Variants in LRRC49 observed in about 807,000 individuals in gnomAD.
The protein encoded by LRRC49 is leucine-rich repeat-containing protein 49.
In LRRC49, 50 loss-of-function variants were observed where a neutral mutation model predicts 83.3. The ratio of observed to expected loss-of-function variants is 0.60; its 90% CI spans 0.48 to 0.76. LRRC49 has a LOEUF of 0.76. Ranked by LOEUF, LRRC49 falls within the 30% of genes least tolerant of loss-of-function variation. LRRC49 has a pLI of 0.00. For missense variants in LRRC49, 704 were observed against 809.1 expected, an observed-to-expected ratio of 0.87 and a Z score of 1.58; for synonymous variants, 286 against 283.3, an observed-to-expected ratio of 1.01 and a Z score of -0.10.
rs960834115 is a variant in LRRC49, at chr15:70,970,909, A to G, written c.921+6977A>G. 8.6e-5 allele frequency among the ~76,000 whole-genome samples: 13 copies of G among 152,044 alleles called. No homozygotes were observed. In the East Asian group the frequency reaches 2.5e-3, roughly 29 times the overall value. ...TATTAATCTGGCTAGCAGTCTACCT[A>G]TTTTGTTGATCTTTTCAAAAAATCA... On this transcript the variant is annotated intron_variant, in intron 9 of 15. Coordinates refer to ENST00000260382, the MANE Select transcript of LRRC49 (RefSeq NM_017691.5).
At chr15:70,988,978 G>A (rs1316666266) in intron 11 of LRRC49, among the ~76,000 whole-genome samples, 1 of 152,158 alleles carries the variant, frequency 6.6e-6, no homozygotes, top group Non-Finnish European at 1.5e-5. Context: ...ACTCTCTTCT[G>A]GCTTGTAGAG....
At chr15:70,990,353 C>G (rs1479249814) in intron 11 of LRRC49, among the ~76,000 whole-genome samples, 3 of 152,204 alleles carry the variant, frequency 2.0e-5, no homozygotes, top group African/African-American at 7.2e-5. Flanking sequence ...CTCCCCTCCC[C>G]CAGCCTCGCT....
intron 14 of LRRC49, among the ~76,000 whole-genome samples, chr15:71,014,247 A>G (rs1015979721): frequency 6.6e-6 from 1 of 152,186 alleles, no homozygotes; most frequent in South Asian, 2.1e-4. Flanking sequence ...AATAACCTAC[A>G]AGGAAAAATC....
intron 7 of LRRC49, among the ~76,000 whole-genome samples, chr15:70,932,785 A>G (rs1258923067): frequency 1.4e-5 from 2 of 138,654 alleles, no homozygotes; most frequent in Non-Finnish European, 3.0e-5. Context: ...GCTAGAGTAC[A>G]GAGGCGCAAT....
intron 11 of LRRC49, among the ~76,000 whole-genome samples, chr15:70,986,532 G>T (rs1382451482): frequency 6.6e-6 from 1 of 152,134 alleles, no homozygotes; most frequent in African/African-American, 2.4e-5. Context: ...AGGAGATTTT[G>T]GGCTGAGACA....
At chr15:71,000,965 C>G (rs2038235618) in intron 11 of LRRC49, among the ~76,000 whole-genome samples, 1 of 152,066 alleles carries the variant, frequency 6.6e-6, no homozygotes. Flanking sequence ...TCCTCCTAGG[C>G]AGTCTCGTAC....
intron 11 of LRRC49, among the ~76,000 whole-genome samples, chr15:71,007,304 A>G (rs943195142): frequency 1.3e-5 from 2 of 152,020 alleles, no homozygotes; most frequent in African/African-American, 4.8e-5. Context: ...TTGGGTCCCC[A>G]AAGATGAAAA....
intron 7 of LRRC49, among the ~76,000 whole-genome samples, chr15:70,919,639 A>G (rs924513500): frequency 2.8e-4 from 42 of 152,172 alleles, no homozygotes; most frequent in African/African-American, 9.2e-4. Flanking sequence ...ATGGTGGGAA[A>G]AGCATTGCAC....
At chr15:71,003,632 A>C (rs2038343916) in intron 11 of LRRC49, among the ~76,000 whole-genome samples, 1 of 152,184 alleles carries the variant, frequency 6.6e-6, no homozygotes, top group African/African-American at 2.4e-5. Flanking sequence ...AATAATAATC[A>C]TGAAAATGTA....
chr15:70,911,632 G>T, intron 6 of LRRC49, 34 bp downstream of exon 6: 1 of 1,316,780 alleles, frequency 7.6e-7, no homozygotes, highest in South Asian at 1.4e-5. Flanking sequence ...TTTCTTTTTT[G>T]AAAAAAAGTC....
chr15:70,889,334 C>T (rs2033491879), upstream of LRRC49, among the ~76,000 whole-genome samples: 1 of 151,702 alleles, frequency 6.6e-6, no homozygotes, highest in Non-Finnish European at 1.5e-5. Flanking sequence ...AAAATGGCTA[C>T]AGTATGATTT....
chr15:70,946,722 T>G (rs1450462915), intron 8 of LRRC49, among the ~76,000 whole-genome samples: 1 of 152,206 alleles, frequency 6.6e-6, no homozygotes, highest in Non-Finnish European at 1.5e-5. Flanking sequence ...TGTACAGGGT[T>G]TTCTTCTCTC....
intron 11 of LRRC49, among the ~76,000 whole-genome samples, chr15:70,990,960 G>T (rs1376309518): frequency 6.6e-6 from 1 of 152,170 alleles, no homozygotes; most frequent in Non-Finnish European, 1.5e-5. Flanking sequence ...GTTGTTTCAT[G>T]TGTGTCTTCC....
rs2034011490 is a variant in LRRC49 at position 70,900,232 on chromosome 15, C to T, written c.194-690C>T. On this transcript the variant is annotated intron_variant, in intron 3 of 15. Transcript: ENST00000260382. ...ATTGAAAGCTACATAATGGCAAGGA[C>T]ACCATCTAACAAACAGCCTATAAAC... 1.1e-5 allele frequency: 3 copies of T among 264,270 alleles called. No individual in the cohort carries two copies. The South Asian group carries it at 1.2e-4, about 10-fold the overall frequency. The allele number at this position is 264,270 out of a possible 1,614,324, so 16.4% of individuals were successfully genotyped here.
At chr15:71,004,044 A>G (rs868606413) in intron 11 of LRRC49, among the ~76,000 whole-genome samples, 2 of 152,210 alleles carry the variant, frequency 1.3e-5, no homozygotes, top group Non-Finnish European at 2.9e-5. Context: ...ACCAGTACCT[A>G]GATCCATGCA....
intron 8 of LRRC49, among the ~76,000 whole-genome samples, chr15:70,938,110 TA>T (rs2035666230): frequency 6.6e-6 from 1 of 152,110 alleles, no homozygotes; most frequent in Non-Finnish European, 1.5e-5. Context: ...GCTTCTTGTT[TA>T]TGGGGAGTAA....
chr15:70,874,039 A>G (rs1292128348), intron 2 of LRRC49, among the ~76,000 whole-genome samples: 4 of 152,126 alleles, frequency 2.6e-5, no homozygotes, highest in Non-Finnish European at 5.9e-5. Context: ...TTGTTAGTAA[A>G]CCAGTGTGTG....
intron 3 of LRRC49, 50 bp from the exon 4 acceptor site, chr15:70,900,872 G>A (rs1380197763): frequency 2.7e-6 from 3 of 1,121,338 alleles, no homozygotes; most frequent in Admixed American, 2.0e-5. Context: ...TTTAGTTTCA[G>A]ACTTCGAAGG....
At chr15:70,962,845 A>G (rs2036651887) in intron 8 of LRRC49, among the ~76,000 whole-genome samples, 1 of 152,118 alleles carries the variant, frequency 6.6e-6, no homozygotes, top group African/African-American at 2.4e-5. Context: ...CTTCCTTACA[A>G]ATAGTTGAGT....
Sources: allele counts gnomAD v4.1 joint callset (sites outside exome capture counted in the v4.1 genomes callset), GRCh38; gene constraint gnomAD v4.1.1; transcripts MANE v1.5; gene names NCBI Gene and HGNC (gene_info 2026-07-23, HGNC 2026-07-21).